JMJD1C: variants seen among roughly 807,000 people sequenced by gnomAD.
JMJD1C encodes jumonji domain containing 1C.
A neutral mutation model predicts 245.3 loss-of-function variants in JMJD1C; 31 were observed. That is an observed-to-expected ratio of 0.13 (90% CI 0.09 to 0.17). The LOEUF (loss-of-function observed/expected upper bound fraction) is 0.17, where lower values mean the gene tolerates loss of function less well. JMJD1C is among the 10% of genes least tolerant of loss of function. JMJD1C has a pLI of 1.00. For synonymous variants in JMJD1C, 1,057 were observed against 1,017.4 expected (o/e 1.04, Z -0.74); for missense variants, 2,691 against 3,000.2 (o/e 0.90, Z 2.41).
At chr10:63,205,092 C>G (rs1397151415) in intron 10 of JMJD1C, 1 of 853,412 alleles carries the variant, frequency 1.2e-6, no homozygotes, top group Non-Finnish European at 1.4e-6. Flanking sequence ...TATAGAAACA[C>G]TTTATAGTGA....
chr10:63,366,976 T>C (rs931851380), intron 2 of JMJD1C, among the ~76,000 whole-genome samples: 2 of 152,280 alleles, frequency 1.3e-5, no homozygotes, highest in African/African-American at 2.4e-5. Context: ...CCCACTGCCA[T>C]ATGTAAAAGT....
intron 1 of JMJD1C, among the ~76,000 whole-genome samples, chr10:63,495,510 G>T (rs1000680783): frequency 3.9e-5 from 6 of 152,104 alleles, no homozygotes; most frequent in African/African-American, 1.4e-4. Context: ...GGTGGCTCAC[G>T]CCTGTAATCC....
intron 2 of JMJD1C, among the ~76,000 whole-genome samples, chr10:63,325,083 T>G (rs533447882): frequency 1.3e-5 from 2 of 152,360 alleles, no homozygotes; most frequent in South Asian, 4.1e-4. Context: ...TGAGACTAGA[T>G]GTCCTATTAG....
chr10:63,444,616 C>T (rs1028612464), intron 1 of JMJD1C, among the ~76,000 whole-genome samples: 4 of 151,044 alleles, frequency 2.6e-5, no homozygotes, highest in Non-Finnish European at 5.9e-5. Context: ...TACTGAATAC[C>T]TACTATCTTT....
At chr10:63,521,523 G>T (rs1242510178) in intron 1 of JMJD1C, 2 of 1,413,044 alleles carry the variant, frequency 1.4e-6, no homozygotes, top group Non-Finnish European at 1.9e-6. Context: ...CGCCCCGGAC[G>T]TGGGGCCCAA....
intron 1 of JMJD1C, among the ~76,000 whole-genome samples, chr10:63,448,017 G>A (rs1589766664): frequency 6.6e-6 from 1 of 152,006 alleles, no homozygotes; most frequent in East Asian, 1.9e-4. Flanking sequence ...TGAAAACCAA[G>A]GTTATTGCTT....
rs144595689 is a variant in JMJD1C at position 63,498,136 on chromosome 10, A to G, written n.113+23602T>C. Among the ~76,000 whole-genome samples the G allele has an allele frequency of 2.9e-4, 44 of 152,286 alleles. No individual in the cohort carries two copies. In the East Asian group the frequency reaches 7.7e-3, roughly 27 times the overall value. On this transcript the variant is annotated intron_variant and non_coding_transcript_variant, in intron 1 of 3. Transcript: ENST00000633035. The stretch of plus-strand genomic sequence containing the variant: ...GTCAGATACTGACAGTTTTTCCTCA[A>G]TAAGTAAATAACATGACTAAAAAAT...
chr10:63,437,193 T>C (rs1169042839), intron 1 of JMJD1C, among the ~76,000 whole-genome samples: 1 of 152,174 alleles, frequency 6.6e-6, no homozygotes, highest in Admixed American at 6.5e-5. Flanking sequence ...AATGATGAAT[T>C]CATCAAAGAT....
At chr10:63,372,770 A>C (rs1306071022) in intron 2 of JMJD1C, among the ~76,000 whole-genome samples, 5 of 152,266 alleles carry the variant, frequency 3.3e-5, no homozygotes, top group African/African-American at 1.2e-4. Context: ...TATTAAGGGA[A>C]GACAGACATG....
At chr10:63,305,648 G>A (rs1938087885) in intron 2 of JMJD1C, among the ~76,000 whole-genome samples, 1 of 122,738 alleles carries the variant, frequency 8.1e-6, no homozygotes, top group Non-Finnish European at 1.9e-5. Flanking sequence ...GTGTGTGTGT[G>A]TGTGTGTGTG....
At chr10:63,252,180 T>A (rs965928253) in intron 3 of JMJD1C, among the ~76,000 whole-genome samples, 1 of 152,180 alleles carries the variant, frequency 6.6e-6, no homozygotes, top group African/African-American at 2.4e-5. Flanking sequence ...AGGTACAGAT[T>A]CCTACTATGC....
intron 1 of JMJD1C, among the ~76,000 whole-genome samples, chr10:63,419,186 G>A (rs1949973139): frequency 6.6e-6 from 1 of 150,680 alleles, no homozygotes; most frequent in Non-Finnish European, 1.5e-5. Context: ...AGGAGTTCGA[G>A]ACCAGCCTGA....
At chr10:63,350,502 C>T (rs1352331823) in intron 2 of JMJD1C, among the ~76,000 whole-genome samples, 1 of 151,956 alleles carries the variant, frequency 6.6e-6, no homozygotes, top group African/African-American at 2.4e-5. Flanking sequence ...AAACTCACAA[C>T]ATTACTATGA....
intron 2 of JMJD1C, among the ~76,000 whole-genome samples, chr10:63,325,435 G>C (rs932856243): frequency 5.9e-5 from 9 of 152,000 alleles, no homozygotes; most frequent in African/African-American, 2.2e-4. Context: ...CAATCTCCGC[G>C]CTCAATCAAT....
chr10:63,294,544 A>G (rs1428812584), intron 2 of JMJD1C, among the ~76,000 whole-genome samples: 3 of 152,152 alleles, frequency 2.0e-5, no homozygotes, highest in Non-Finnish European at 4.4e-5. Flanking sequence ...TTGGCCTCCC[A>G]AAGTGCTGGG....
rs573065816 is a variant in JMJD1C at position 63,292,144 on chromosome 10, A to ATTTTTTTTT, written c.334-27389_334-27381dup. 1.2e-3 allele frequency among the ~76,000 whole-genome samples: 68 copies of ATTTTTTTTT among 56,340 alleles called. 14 individuals are homozygous for ATTTTTTTTT. Among genetic ancestry groups the ATTTTTTTTT allele is most frequent in the African/African-American group, 3.0e-3 (40 of 13,528 alleles). The allele number at this position is 56,340 out of a possible 152,430, so 37.0% of individuals were successfully genotyped here. On this transcript the variant is annotated intron_variant, in intron 2 of 25. Transcript: ENST00000399262. ...TTTTTTTTAGTTTCTGTAGAGACAG[A>ATTTTTTTTT]TTTTTTTTTTTTTTTTTTTGCCTAG...
chr10:63,203,069 G>A (rs926459949), intron 10 of JMJD1C: 1 of 984,262 alleles, frequency 1.0e-6, no homozygotes, highest in Non-Finnish European at 1.2e-6. Context: ...CACAAAATAG[G>A]CATTTAGAGC....
intron 1 of JMJD1C, among the ~76,000 whole-genome samples, chr10:63,392,829 A>AAC (rs1183895278): frequency 6.9e-6 from 1 of 144,592 alleles, no homozygotes; most frequent in African/African-American, 2.5e-5. Flanking sequence ...GTCTCCAAAA[A>AAC]AAAAAAAAAA....
intron 1 of JMJD1C, among the ~76,000 whole-genome samples, chr10:63,472,867 C>T (rs1383260527): frequency 6.6e-6 from 1 of 151,822 alleles, no homozygotes; most frequent in African/African-American, 2.4e-5. Flanking sequence ...TCACCGCAAC[C>T]GCCTTCTCTC....
Sources: allele counts gnomAD v4.1 joint callset (sites outside exome capture counted in the v4.1 genomes callset), GRCh38; gene constraint gnomAD v4.1.1; transcripts MANE v1.5; gene names NCBI Gene and HGNC (gene_info 2026-07-23, HGNC 2026-07-21).